The following ZNF844 variants were observed in gnomAD, a reference collection of about 807,000 sequenced individuals.
The protein encoded by ZNF844 is zinc finger protein 844.
Under a neutral mutation model 11.4 loss-of-function variants are expected in ZNF844, and 11 were observed. That is an observed-to-expected ratio of 0.97 (90% CI 0.61 to 1.60). ZNF844 has a LOEUF of 1.60. Ranked by LOEUF, ZNF844 falls within the 40% of genes most tolerant of loss-of-function variation. The pLI, the probability that ZNF844 is intolerant of heterozygous loss-of-function variation, is 0.00. For synonymous variants in ZNF844, 248 were observed against 260.3 expected, an observed-to-expected ratio of 0.95 and a Z score of 0.46; for missense variants, 790 against 796.8, an observed-to-expected ratio of 0.99 and a Z score of 0.10.
rs1455104957 is a variant in ZNF844 at position 12,078,466 on chromosome 19, T to C, written c.*1345T>C. 1.3e-5 allele frequency: 2 copies of C among 152,194 alleles called. No individual in the cohort carries two copies. The highest frequency in any genetic ancestry group is 2.9e-5 in the Non-Finnish European group (2 of 68,050). 9.4% of individuals were successfully genotyped at this position (152,194 alleles called of 1,614,324 possible). On this transcript the variant is annotated 3_prime_UTR_variant, in exon 4 of 4. Transcript: ENST00000439326. ...AATTAATTGAGAAGCCATAATAAAA[T>C]ATCTCAGTGCCATCATGCATTAGAT...
intron 1 of ZNF844, among the ~76,000 whole-genome samples, chr19:12,069,186 T>TC (rs1363038024): frequency 6.9e-6 from 1 of 145,720 alleles, no homozygotes; most frequent in East Asian, 2.0e-4. Flanking sequence ...TTCCTTTTTT[T>TC]TTTTTTTTTT....
rs370378486 is a variant in ZNF844 at position 12,077,008 on chromosome 19, G to T, written c.1888G>T (p.Val630Leu). The stretch of plus-strand genomic sequence containing the variant: ...GCGTTCAATTATTTTTCTTCTTTGC[G>T]TATACACAAAAGGATGCACACTGGA... Reference protein sequence around the residue: ...EKRSIIFLLCVYTKGCTLERN... With the variant: ...EKRSIIFLLCLYTKGCTLERN... Residue 630 changes from valine (V) to leucine (L), a missense_variant, in exon 4 of 4, where the codon GTA becomes TTA. Coordinates refer to ENST00000439326, the MANE Select transcript of ZNF844 (RefSeq NM_001136501.3). 1.3e-6 allele frequency: 2 copies of T among 1,596,498 alleles called. No individual in the cohort carries two copies. Among genetic ancestry groups the T allele is most frequent in the Non-Finnish European group, 1.7e-6 (2 of 1,171,032 alleles).
chr19:12,073,014 G>T (rs906274857), intron 1 of ZNF844, among the ~76,000 whole-genome samples: 3 of 152,072 alleles, frequency 2.0e-5, no homozygotes, highest in Non-Finnish European at 2.9e-5. Flanking sequence ...TCTGTTTATG[G>T]TGTCCCCTCA....
chr19:12,080,346 CAAAAAA>C lies in ZNF844; in HGVS notation c.*3240_*3245del. ...GCGGCGACAGAGCAAGACTCCGTCT[CAAAAAA>C]AAAAAAAAAAAAAAGAGAAGTCTGA... On this transcript the variant is annotated 3_prime_UTR_variant, in exon 4 of 4. Transcript: ENST00000439326. 162 of 168,744 alleles carry C rather than the reference CAAAAAA, an allele frequency of 9.6e-4. No homozygotes were observed. The highest frequency in any genetic ancestry group is 1.7e-3 in the South Asian group (40 of 23,688). The allele number at this position is 168,744 out of a possible 1,614,324, so 10.5% of individuals were successfully genotyped here.
chr19:12,064,989 G>A, intron 1 of ZNF844, 113 bp downstream of exon 1: 1 of 1,198,116 alleles, frequency 8.3e-7, no homozygotes, highest in Non-Finnish European at 1.1e-6. Flanking sequence ...GCGGCGACTC[G>A]AGGTCTGGGG....
rs1170079348 is a variant in ZNF844, at chr19:12,078,201, A to G, written c.*1080A>G. The G allele has an allele frequency of 1.3e-5, 2 of 151,936 alleles. No homozygotes were observed. The highest frequency in any genetic ancestry group is 4.8e-5 in the African/African-American group (2 of 41,246). The allele number at this position is 151,936 out of a possible 1,614,324, so 9.4% of individuals were successfully genotyped here. A position where few individuals can be genotyped will look rare whatever the true frequency, so the allele number is the denominator to read the frequency against. ...GCCCAGGCTGGAGTGCAGTGGCATG[A>G]TCTCGCCTCCGGGTTCAAGCAATTC... On this transcript the variant is annotated 3_prime_UTR_variant, in exon 4 of 4. Coordinates refer to ENST00000439326, the MANE Select transcript of ZNF844 (RefSeq NM_001136501.3).
rs768036359 is a variant in ZNF844, at chr19:12,075,769, C to T, written c.649C>T (p.Arg217Ter). 1.4e-5 allele frequency: 23 copies of T among 1,613,178 alleles called. 1 individual carries two copies. In the East Asian group the frequency reaches 1.6e-4, roughly 11 times the overall value. The change falls in exon 4 of 4, where the codon CGA becomes TGA. Residue 217 changes from arginine (R) to a stop codon, truncating the protein, a stop_gained. Transcript: ENST00000439326. LOFTEE classifies it low-confidence loss of function (END_TRUNC). ...TCTCAGCATATATCTTATACATGAA[C>T]GAGTTCACACTGGAGAGAAACCATA... is the stretch of plus-strand genomic sequence containing the variant. Reference protein sequence around the residue: ...PCLSIYLIHERVHTGEKPYKC... With the variant: ...PCLSIYLIHE
chr19:12,068,639 A>C (rs961254419), intron 1 of ZNF844, among the ~76,000 whole-genome samples: 5 of 152,228 alleles, frequency 3.3e-5, no homozygotes, highest in African/African-American at 1.2e-4. Context: ...TCTCAAAAAA[A>C]ATAAAAAATA....
At chr19:12,074,531 A>C in intron 3 of ZNF844, 110 bp downstream of exon 3, 4 of 831,432 alleles carry the variant, frequency 4.8e-6, no homozygotes, top group Non-Finnish European at 5.8e-6. Context: ...AAATTTATTT[A>C]CTCTTAAAAT....
In ZNF844 at chr19:12,064,774, T is replaced by C; in HGVS notation, c.-100T>C. The C allele has an allele frequency of 3.6e-6, 5 of 1,377,512 alleles. No individual in the cohort carries two copies. The highest frequency in any genetic ancestry group is 4.0e-6 in the Non-Finnish European group (4 of 1,011,268). 85.3% of individuals were successfully genotyped at this position (1,377,512 alleles called of 1,614,324 possible). ...CCGGGTGAGGTTGGCACCCCGTTTT[T>C]CCTGCTCTGAGAGGGACCGGTTGCC... On this transcript the variant is annotated 5_prime_UTR_variant, in exon 1 of 4. Transcript: ENST00000439326.
chr19:12,064,768 C>G lies in ZNF844; in HGVS notation c.-106C>G. The G allele has an allele frequency of 7.7e-7, 1 of 1,294,546 alleles. No homozygotes were observed. The highest frequency in any genetic ancestry group is 1.1e-6 in the Non-Finnish European group (1 of 938,846). 80.2% of individuals were successfully genotyped at this position (1,294,546 alleles called of 1,614,324 possible). On this transcript the variant is annotated 5_prime_UTR_variant, in exon 1 of 4. Coordinates refer to ENST00000439326, the MANE Select transcript of ZNF844 (RefSeq NM_001136501.3). ...CTCCCGCCGGGTGAGGTTGGCACCC[C>G]GTTTTTCCTGCTCTGAGAGGGACCG... is the stretch of plus-strand genomic sequence containing the variant.
Position 12,080,429 on chromosome 19 carries a change from C to T in ZNF844, c.*3308C>T, listed in dbSNP as rs944774241. 2.8e-5 allele frequency: 10 copies of T among 352,110 alleles called. No individual in the cohort carries two copies. Among genetic ancestry groups the T allele is most frequent in the South Asian group, 2.1e-4 (10 of 47,288 alleles). 21.8% of individuals were successfully genotyped at this position (352,110 alleles called of 1,614,324 possible). Reference sequence around the variant, plus strand: ...TTGGAGGATGTCATAATACAATTCACCAGTGTCCTATCTTACATGCAATTT... The same window carrying T: ...TTGGAGGATGTCATAATACAATTCATCAGTGTCCTATCTTACATGCAATTT... On this transcript the variant is annotated 3_prime_UTR_variant, in exon 4 of 4. Transcript: ENST00000439326.
In ZNF844 at chr19:12,076,912, C is replaced by G; in HGVS notation, c.1792C>G (p.Pro598Ala). The change falls in exon 4 of 4, where the codon CCA becomes GCA. Residue 598 changes from proline to alanine, a missense_variant. Pro to Ala is a conservative substitution (Grantham distance 27, BLOSUM62 -1). Around this residue, in one of 3 missense-constraint regions of ZNF844, gnomAD observed 657 missense variants for 636.2 expected, o/e 1.03. Coordinates refer to ENST00000439326, the MANE Select transcript of ZNF844 (RefSeq NM_001136501.3). ...GAGTGTGACAAAGCATTCATATCTG[C>G]CAAGATCCTTCGAGTACATGCAAGA... ...VKSVTKHSYL[P>A]RSFEYMQEHT... The G allele has an allele frequency of 1.3e-6, 2 of 1,589,812 alleles. No homozygotes were observed. The highest frequency in any genetic ancestry group is 1.7e-6 in the Non-Finnish European group (2 of 1,168,094).
At chr19:12,074,564 TA>T (rs1373768129) in intron 3 of ZNF844, 143 bp downstream of exon 3, 4 of 714,344 alleles carry the variant, frequency 5.6e-6, no homozygotes, top group Non-Finnish European at 9.4e-6. Context: ...AACCTACATT[TA>T]AATGTGATCT....
chr19:12,078,469 C>A lies in ZNF844; in HGVS notation c.*1348C>A, dbSNP rs1975857080. On this transcript the variant is annotated 3_prime_UTR_variant, in exon 4 of 4. Coordinates refer to ENST00000439326, the MANE Select transcript of ZNF844 (RefSeq NM_001136501.3). Reference sequence around the variant, plus strand: ...TAATTGAGAAGCCATAATAAAATATCTCAGTGCCATCATGCATTAGATCAA... The same window carrying A: ...TAATTGAGAAGCCATAATAAAATATATCAGTGCCATCATGCATTAGATCAA... 6.6e-6 allele frequency: 1 copy of A among 152,178 alleles called. No individual in the cohort carries two copies. Among genetic ancestry groups the A allele is most frequent in the African/African-American group, 2.4e-5 (1 of 41,430 alleles). 9.4% of individuals were successfully genotyped at this position (152,178 alleles called of 1,614,324 possible). A position where few individuals can be genotyped will look rare whatever the true frequency, so the allele number is the denominator to read the frequency against.
At chr19:12,074,676 T>C (rs1345128842) in intron 3 of ZNF844, among the ~76,000 whole-genome samples, 1 of 152,098 alleles carries the variant, frequency 6.6e-6, no homozygotes, top group Non-Finnish European at 1.5e-5. Context: ...CTGAGCAAAA[T>C]GGCGAGACTT....
In ZNF844 at chr19:12,080,951, C is replaced by A. The variant is rs555333750; in HGVS notation, c.*3830C>A. On this transcript the variant is annotated 3_prime_UTR_variant, in exon 4 of 4. Transcript: ENST00000439326. Reference sequence around the variant, plus strand: ...TGTATTTTTAGTAGAGATGGGGTTTCACCATGTTGAGCAAGCTGGTCTTAA... The same window carrying A: ...TGTATTTTTAGTAGAGATGGGGTTTAACCATGTTGAGCAAGCTGGTCTTAA... The A allele has an allele frequency of 1.3e-5, 2 of 152,270 alleles. No individual in the cohort carries two copies. Among genetic ancestry groups the A allele is most frequent in the South Asian group, 4.1e-4 (2 of 4,822 alleles). 9.4% of individuals were successfully genotyped at this position (152,270 alleles called of 1,614,324 possible).
Position 12,071,776 on chromosome 19 carries a change from G to A in ZNF844, c.4-2255G>A, listed in dbSNP as rs191112456. ...TTTATTAGCTTTAGGAATTTTACAT[G>A]TACTGTTGAGTTAGTTTGTCAAATC... is the stretch of plus-strand genomic sequence containing the variant. On this transcript the variant is annotated intron_variant, in intron 1 of 3. Transcript: ENST00000439326. Among the ~76,000 whole-genome samples, 17 of 148,496 alleles carry A rather than the reference G, an allele frequency of 1.1e-4. No homozygotes were observed. In the East Asian group the frequency reaches 3.0e-3, roughly 26 times the overall value.
Sources: allele counts gnomAD v4.1 joint callset (sites outside exome capture counted in the v4.1 genomes callset), GRCh38; gene constraint gnomAD v4.1.1; regional missense constraint gnomAD v4.1.1; transcripts MANE v1.5; gene names NCBI Gene and HGNC (gene_info 2026-07-23, HGNC 2026-07-21).